PACRG: variants seen among roughly 807,000 people sequenced by gnomAD.
PACRG encodes the protein parkin coregulated.
PACRG carries 29 observed loss-of-function variants against 29.7 expected under a neutral mutation model. That is an observed-to-expected ratio of 0.98 (90% CI 0.73 to 1.33). The LOEUF (loss-of-function observed/expected upper bound fraction) is 1.33. Ranked by LOEUF, PACRG falls within the 40% of genes most tolerant of loss-of-function variation. The pLI is 0.00. For synonymous variants in PACRG, 116 were observed against 118.7 expected, an observed-to-expected ratio of 0.98 and a Z score of 0.15; for missense variants, 279 against 316.2, an observed-to-expected ratio of 0.88 and a Z score of 0.89.
At chr6:163,240,315 G>A (rs1419327095) in intron 4 of PACRG, among the ~76,000 whole-genome samples, 1 of 152,136 alleles carries the variant, frequency 6.6e-6, no homozygotes, top group Non-Finnish European at 1.5e-5. Flanking sequence ...TATGAAAGCT[G>A]TGACGGGGAC....
chr6:162,851,319 C>T (rs1036488089), intron 2 of PACRG, among the ~76,000 whole-genome samples: 3 of 152,178 alleles, frequency 2.0e-5, no homozygotes, highest in Non-Finnish European at 4.4e-5. Context: ...TGTCTCTTCA[C>T]CCACACTATG....
chr6:162,904,465 C>T (rs567979116), intron 2 of PACRG, among the ~76,000 whole-genome samples: 143 of 148,482 alleles, frequency 9.6e-4, no homozygotes, highest in African/African-American at 3.3e-3. Context: ...AGTGAGGGAG[C>T]GAGGGAGGCC....
chr6:162,870,530 C>T (rs1418635950), intron 2 of PACRG, among the ~76,000 whole-genome samples: 1 of 152,140 alleles, frequency 6.6e-6, no homozygotes, highest in East Asian at 1.9e-4. Context: ...ATCACCCAAG[C>T]AGTACACACT....
intron 2 of PACRG, among the ~76,000 whole-genome samples, chr6:163,035,160 A>C (rs915156997): frequency 6.6e-6 from 1 of 152,102 alleles, no homozygotes; most frequent in African/African-American, 2.4e-5. Flanking sequence ...CTGTTTTATC[A>C]GCAAGGTGTT....
In PACRG at chr6:163,274,800, T is replaced by G. The variant is rs1282677883; in HGVS notation, c.614-40027T>G. Among the ~76,000 whole-genome samples the G allele has an allele frequency of 2.6e-5, 4 of 152,182 alleles. No individual in the cohort carries two copies. The East Asian group carries it at 7.7e-4, about 29-fold the overall frequency. On this transcript the variant is annotated intron_variant, in intron 4 of 4. Coordinates refer to ENST00000366888, the MANE Select transcript of PACRG (RefSeq NM_001080379.2). ...TAGAAGTTGTTTAAATAAAATCAAG[T>G]TACTTGGTATGTACCTTTGCTTCTG... is the stretch of plus-strand genomic sequence containing the variant.
At position 162,733,078 on chromosome 6, in the gene PACRG, A is replaced by G. The variant is rs547857304; in HGVS notation, c.156+4687A>G. Among the ~76,000 whole-genome samples the G allele has an allele frequency of 5.9e-5, 9 of 152,364 alleles. No homozygotes were observed. The East Asian group carries it at 1.5e-3, about 26-fold the overall frequency. ...AATTCATTCTATCATCAGGTAACAC[A>G]TATCTATTGATCACAGACTATGTGC... On this transcript the variant is annotated intron_variant, in intron 1 of 4. Transcript: ENST00000366888.
At chr6:162,747,370 A>ATATG (rs1781112296) in intron 1 of PACRG, among the ~76,000 whole-genome samples, 1 of 50,538 alleles carries the variant, frequency 2.0e-5, no homozygotes, top group Admixed American at 2.8e-4. Context: ...ATATACACAT[A>ATATG]CATATATATG....
intron 4 of PACRG, among the ~76,000 whole-genome samples, chr6:163,235,316 A>C (rs1247037332): frequency 6.6e-6 from 1 of 152,202 alleles, no homozygotes; most frequent in African/African-American, 2.4e-5. Flanking sequence ...TCCATTGATA[A>C]AGCATCATAT....
intron 2 of PACRG, among the ~76,000 whole-genome samples, chr6:162,953,522 G>T (rs1393308246): frequency 6.6e-6 from 1 of 152,104 alleles, no homozygotes; most frequent in Admixed American, 6.6e-5. Context: ...AGTAGAAAAT[G>T]TAAGATTAAT....
chr6:162,769,058 C>G (rs931644661), intron 1 of PACRG, among the ~76,000 whole-genome samples: 1 of 152,130 alleles, frequency 6.6e-6, no homozygotes, highest in Non-Finnish European at 1.5e-5. Context: ...TCCCTTTTCC[C>G]ACCATGGTAA....
At chr6:163,194,188 G>A (rs943015995) in intron 4 of PACRG, among the ~76,000 whole-genome samples, 1 of 152,120 alleles carries the variant, frequency 6.6e-6, no homozygotes, top group African/African-American at 2.4e-5. Context: ...CTGTGATGGA[G>A]GTTCTGCGCC....
At chr6:162,771,120 A>G (rs992669067) in intron 1 of PACRG, among the ~76,000 whole-genome samples, 1 of 152,158 alleles carries the variant, frequency 6.6e-6, no homozygotes, top group African/African-American at 2.4e-5. Context: ...AATATTTCTT[A>G]CTTATGATGA....
At chr6:162,727,335 GAGA>G (rs554700169), upstream of PACRG, 32 of 400,356 alleles carry the variant, frequency 8.0e-5, no homozygotes, top group South Asian at 9.8e-4. Flanking sequence ...CGGCGGCGGG[GAGA>G]AGGCTTCGGG....
intron 4 of PACRG, chr6:163,191,121 C>G: frequency 2.8e-6 from 1 of 362,268 alleles, no homozygotes; most frequent in Middle Eastern, 9.5e-4. Context: ...ATGTATTCAC[C>G]CTTAGTCCAG....
intron 2 of PACRG, chr6:163,051,993 T>C (rs965616524): frequency 5.3e-5 from 8 of 152,228 alleles, no homozygotes; most frequent in African/African-American, 1.4e-4. Context: ...AAGAATCTCA[T>C]GTGCTATATT....
At chr6:163,252,993 T>C (rs1585373183) in intron 4 of PACRG, among the ~76,000 whole-genome samples, 1 of 152,110 alleles carries the variant, frequency 6.6e-6, no homozygotes, top group Non-Finnish European at 1.5e-5. Flanking sequence ...AGAAATAAGA[T>C]GCTAAAGAAA....
chr6:162,950,102 T>C (rs906264771), intron 2 of PACRG, among the ~76,000 whole-genome samples: 1 of 152,194 alleles, frequency 6.6e-6, no homozygotes, highest in Non-Finnish European at 1.5e-5. Flanking sequence ...TGAATCCTTG[T>C]GAAAAAAATT....
At chr6:162,782,282 G>T (rs1486954065) in intron 1 of PACRG, among the ~76,000 whole-genome samples, 1 of 151,848 alleles carries the variant, frequency 6.6e-6, no homozygotes, top group African/African-American at 2.4e-5. Context: ...CAATGATAGA[G>T]ATTTCAACAC....
chr6:162,791,790 T>G (rs1784972169), intron 1 of PACRG, among the ~76,000 whole-genome samples: 1 of 152,102 alleles, frequency 6.6e-6, no homozygotes, highest in Non-Finnish European at 1.5e-5. Flanking sequence ...AATGTGTAGT[T>G]TTAAACAGGG....
Sources: allele counts gnomAD v4.1 joint callset (sites outside exome capture counted in the v4.1 genomes callset), GRCh38; gene constraint gnomAD v4.1.1; transcripts MANE v1.5; gene names NCBI Gene and HGNC (gene_info 2026-07-23, HGNC 2026-07-21).